The following ABCA7 variants were observed in gnomAD, a reference collection of about 807,000 sequenced individuals.
The protein encoded by ABCA7 is ATP binding cassette subfamily A member 7, also known as phospholipid-transporting ATPase ABCA7.
In ABCA7, 261 loss-of-function variants were observed where a neutral mutation model predicts 227.6. That is an observed-to-expected ratio of 1.15 (90% confidence interval 1.04 to 1.27). ABCA7 has a LOEUF of 1.27. ABCA7 is among the 50% of genes most tolerant of loss of function. ABCA7 has a pLI of 0.00. For synonymous variants in ABCA7, 1,488 were observed against 1,279.7 expected (o/e 1.16, Z -3.47); for missense variants, 3,331 against 2,924.5 (o/e 1.14, Z -3.21).
intron 18 of ABCA7, 76 bp from the exon 19 acceptor site, chr19:1,050,843 CAG>C (rs1422839578): frequency 2.6e-5 from 31 of 1,183,406 alleles, no homozygotes; most frequent in East Asian, 2.1e-4. Flanking sequence ...TTTTTAAAAA[CAG>C]AAATTAAAAA....
At chr19:1,043,969 G>A (rs1214460897) in intron 10 of ABCA7, 128 bp downstream of exon 10, 31 of 750,176 alleles carry the variant, frequency 4.1e-5, no homozygotes, top group South Asian at 3.4e-4. Context: ...ATGGAGTCTC[G>A]CTCTGTCGCC....
chr19:1,062,307 T>G lies in ABCA7; in HGVS notation c.5706T>G (p.Val1902=), dbSNP rs551797052. The change falls in exon 42 of 47, where the codon GTT becomes GTG. Residue 1902 remains valine (V), a synonymous_variant. Transcript: ENST00000263094. ...ARLRGVPEAQ[V]AQTAGSGLAR... ...TGCGCGGTGTCCCGGAGGCCCAGGT[T>G]GCCCAGGTGAGCCCACTTTGTCCCC... 4.4e-6 allele frequency: 7 copies of G among 1,603,712 alleles called. No individual in the cohort carries two copies. The South Asian group carries it at 4.4e-5, about 10-fold the overall frequency.
intron 42 of ABCA7, 127 bp downstream of exon 42, chr19:1,062,440 G>GT: frequency 6.9e-7 from 1 of 1,440,856 alleles, no homozygotes; most frequent in Admixed American, 2.1e-5. Context: ...CCCCCAGACC[G>GT]TGCTTCCTTC....
In ABCA7 at chr19:1,044,840, G is replaced by A. The variant is rs547842844; in HGVS notation, c.1215+96G>A. 5.8e-3 allele frequency: 8,659 copies of A among 1,480,372 alleles called. 34 individuals carry two copies. Among genetic ancestry groups the A allele is most frequent in the Non-Finnish European group, 7.3e-3 (8,094 of 1,113,464 alleles). 91.7% of individuals were successfully genotyped at this position (1,480,372 alleles called of 1,614,324 possible). A position where few individuals can be genotyped will look rare whatever the true frequency, so the allele number is the denominator to read the frequency against. On this transcript the variant is annotated intron_variant, in intron 11 of 46. Transcript: ENST00000263094. ...GGTGTTCCCAGGGGGAGGCGGGCCCGGCCCTAGTAAGAGCCTGGGATTTGT... is the reference window on the plus strand; with the variant it reads ...GGTGTTCCCAGGGGGAGGCGGGCCCAGCCCTAGTAAGAGCCTGGGATTTGT...
At chr19:1,048,513 A>AAAAAAAAAAAAAAAAAAC (rs2040972294) in intron 16 of ABCA7, among the ~76,000 whole-genome samples, 1 of 141,494 alleles carries the variant, frequency 7.1e-6, no homozygotes, top group African/African-American at 2.7e-5. Flanking sequence ...AAAAAAACAA[A>AAAAAAAAAAAAAAAAAAC]AAAAAAAAAA....
At chr19:1,063,264 ATAC>A (rs2042798224) in intron 42 of ABCA7, among the ~76,000 whole-genome samples, 1 of 59,434 alleles carries the variant, frequency 1.7e-5, no homozygotes, top group East Asian at 3.9e-4. Flanking sequence ...GCCCCGCCCC[ATAC>A]TCATGCTGGC....
rs139615270 is a variant in ABCA7, at chr19:1,053,454, C to T, written c.3346C>T (p.Leu1116Phe). ...TGCCCATGACGGCAGCTTCGCCACACTCTTCCGAGAGCTAGACACGCGGCT... is the reference window on the plus strand; with the variant it reads ...TGCCCATGACGGCAGCTTCGCCACATTCTTCCGAGAGCTAGACACGCGGCT... ...TGAHDGSFAT[L>F]FRELDTRLAE... Residue 1116 changes from leucine to phenylalanine, a missense_variant, in exon 24 of 47, where the codon CTC becomes TTC. Coordinates refer to ENST00000263094, the MANE Select transcript of ABCA7 (RefSeq NM_019112.4). 1.9e-6 allele frequency: 3 copies of T among 1,601,018 alleles called. No individual in the cohort carries two copies. The highest frequency in any genetic ancestry group is 1.7e-5 in the Admixed American group (1 of 58,738).
chr19:1,063,767 C>A lies in ABCA7; in HGVS notation c.5855C>A (p.Pro1952Gln). 6.5e-7 allele frequency: 1 copy of A among 1,546,998 alleles called. No individual in the cohort carries two copies. Among genetic ancestry groups the A allele is most frequent in the Non-Finnish European group, 8.7e-7 (1 of 1,145,658 alleles). Reference protein sequence around the residue: ...GDPAVVFLDEPTTGMDPSARR... With the variant: ...GDPAVVFLDEQTTGMDPSARR... ...ATCTTCCGTGCTCCCCAGGACGAGC[C>A]GACCACAGGCATGGACCCCAGCGCG... The change falls in exon 44 of 47, where the codon CCG becomes CAG. Residue 1952 changes from proline (P) to glutamine (Q), a missense_variant. Pro to Gln is a moderately conservative substitution (Grantham distance 76). Transcript: ENST00000263094.
chr19:1,047,107 C>T, intron 14 of ABCA7, 50 bp from the exon 15 acceptor site: 1 of 1,565,942 alleles, frequency 6.4e-7, no homozygotes, highest in Non-Finnish European at 8.6e-7. Context: ...GGGTGCGCGC[C>T]CCCAGGCCAA....
At chr19:1,057,268 G>A (rs1377965493) in intron 34 of ABCA7, 46 bp from the exon 35 acceptor site, 4 of 1,602,234 alleles carry the variant, frequency 2.5e-6, no homozygotes, top group Middle Eastern at 1.7e-4. Context: ...GGGTGGCAGT[G>A]CCCACCTCTT....
rs1355990560 is a variant in ABCA7, at chr19:1,054,511, C to A, written c.3727-59C>A. ...GGTGGTTGTAGAGCAGGAGCAGGGA[C>A]AGGTGCAAGCAAGCCTGGAGGGTGG... On this transcript the variant is annotated intron_variant, in intron 27 of 46. Coordinates refer to ENST00000263094, the MANE Select transcript of ABCA7 (RefSeq NM_019112.4). This position sits in a 1 kb window ranked among gnomAD's most constrained non-coding sequence, Gnocchi z 4.8. 6.3e-7 allele frequency: 1 copy of A among 1,585,686 alleles called. No homozygotes were observed. The highest frequency in any genetic ancestry group is 8.6e-7 in the Non-Finnish European group (1 of 1,163,922).
chr19:1,061,471 C>A (rs539515507), intron 40 of ABCA7, among the ~76,000 whole-genome samples: 1 of 148,072 alleles, frequency 6.8e-6, no homozygotes, highest in Non-Finnish European at 1.5e-5. Context: ...TCAAGGCAGG[C>A]GGATCACAAG....
At position 1,049,437 on chromosome 19, in the gene ABCA7, T is replaced by C. The variant is rs1300216528; in HGVS notation, c.2552T>C (p.Leu851Pro). 5 of 1,588,046 alleles carry C rather than the reference T, an allele frequency of 3.1e-6. No homozygotes were observed. Among genetic ancestry groups the C allele is most frequent in the African/African-American group, 1.4e-5 (1 of 73,166 alleles). ...AACGGGGCCGGCAAGACCACCACCC[T>C]GTGAGCCCCCAACCACTCCCTCCCC... ...GHNGAGKTTT[L>P]SILSGLFPPS... The change falls in exon 18 of 47, where the codon CTG becomes CCG. Residue 851 changes from leucine (L) to proline (P), a missense_variant and splice_region_variant. By Grantham distance (98) the Leu-to-Pro change is moderately conservative. Coordinates refer to ENST00000263094, the MANE Select transcript of ABCA7 (RefSeq NM_019112.4).
At chr19:1,062,489 G>A (rs925298810) in intron 42 of ABCA7, among the ~76,000 whole-genome samples, 176 bp downstream of exon 42, 3 of 152,018 alleles carry the variant, frequency 2.0e-5, no homozygotes, top group African/African-American at 7.3e-5. Context: ...CAATAGGGAT[G>A]TGGCTAGCCC....
At position 1,043,164 on chromosome 19, in the gene ABCA7, G is replaced by T. The variant is rs749558786; in HGVS notation, c.703G>T (p.Gly235Cys). 1.9e-6 allele frequency: 3 copies of T among 1,611,512 alleles called. No individual in the cohort carries two copies. The highest frequency in any genetic ancestry group is 1.3e-5 in the African/African-American group (1 of 74,914). Reference sequence around the variant, plus strand: ...TGTCAGGGGACCTAGCAGCACAGTGGGCCCCTCCCTCAACTGGTACGAGGC... The same window carrying T: ...TGTCAGGGGACCTAGCAGCACAGTGTGCCCCTCCCTCAACTGGTACGAGGC... ...CSVRGPSSTV[G>C]PSLNWYEASD... is the part of the protein sequence containing the mutation. Residue 235 changes from glycine (G) to cysteine (C), a missense_variant, in exon 8 of 47, where the codon GGC (glycine) becomes TGC (cysteine). Coordinates refer to ENST00000263094, the MANE Select transcript of ABCA7 (RefSeq NM_019112.4).
chr19:1,046,943 C>A lies in ABCA7; in HGVS notation c.1764C>A (p.Arg588=). 6.4e-7 allele frequency: 1 copy of A among 1,567,504 alleles called. No individual in the cohort carries two copies. The highest frequency in any genetic ancestry group is 8.6e-7 in the Non-Finnish European group (1 of 1,165,076). Residue 588 remains arginine, a synonymous_variant, in exon 14 of 47, where the codon CGC becomes CGA. Transcript: ENST00000263094. ...RDTMRAMGLS[R]AVLWLGWFLS... ...CCATGCGCGCCATGGGGCTCAGCCG[C>A]GCGGTGCTCTGGCTAGGCTGGTTCC... is the stretch of plus-strand genomic sequence containing the variant.
Position 1,047,634 on chromosome 19 carries a change from A to T in ABCA7, c.2249A>T (p.Tyr750Phe). 1 of 1,597,736 alleles carries T rather than the reference A, an allele frequency of 6.3e-7. No homozygotes were observed. Among genetic ancestry groups the T allele is most frequent in the African/African-American group, 1.3e-5 (1 of 74,802 alleles). The change falls in exon 16 of 47, where the codon TAC becomes TTC. Residue 750 changes from tyrosine to phenylalanine, a missense_variant. Transcript: ENST00000263094. The part of the protein sequence containing the change: ...DAALYGLATW[Y>F]LEAVCPGQYG... ...GCGCTCTACGGCCTCGCCACCTGGT[A>T]CCTGGAAGCTGTGTGCCCAGGTGGG... is the stretch of plus-strand genomic sequence containing the variant.
Position 1,051,020 on chromosome 19 carries a change from C to A in ABCA7, c.2652C>A (p.Gly884=), listed in dbSNP as rs113478746. The part of the protein sequence containing the change: ...SSMAAIRPHL[G]VCPQYNVLFD... ...TGGCCGCCATCCGGCCCCACCTGGG[C>A]GTCTGTCCTCAGTACAACGTGCTGT... Residue 884 remains glycine, a synonymous_variant, in exon 19 of 47, where the codon GGC becomes GGA. Coordinates refer to ENST00000263094, the MANE Select transcript of ABCA7 (RefSeq NM_019112.4). 6.2e-7 allele frequency: 1 copy of A among 1,611,942 alleles called. No homozygotes were observed. Among genetic ancestry groups the A allele is most frequent in the Non-Finnish European group, 8.5e-7 (1 of 1,179,636 alleles).
chr19:1,056,225 T>A lies in ABCA7; in HGVS notation c.4398T>A (p.Asp1466Glu). The change falls in exon 32 of 47, where the codon GAT (aspartate) becomes GAA (glutamate). Residue 1466 changes from aspartate to glutamate, a missense_variant. By Grantham distance (45) the Asp-to-Glu change is conservative. Coordinates refer to ENST00000263094, the MANE Select transcript of ABCA7 (RefSeq NM_019112.4). The surrounding 1 kb of genome is among the most constrained non-coding windows in gnomAD (Gnocchi z 4.3). ...TCACAGCCTGGGCTCACAGCCTGGA[T>A]GCTCAGGACAGTCTCAAGGTGGGAA... is the stretch of plus-strand genomic sequence containing the variant. ...KNLTAWAHSL[D>E]AQDSLKIWFN... 6.3e-7 allele frequency: 1 copy of A among 1,596,452 alleles called. No individual in the cohort carries two copies. Among genetic ancestry groups the A allele is most frequent in the Non-Finnish European group, 8.5e-7 (1 of 1,171,510 alleles).
Sources: gnomAD v4.1 joint callset for allele counts (sites outside exome capture counted in the v4.1 genomes callset) on GRCh38, gnomAD v4.1.1 for gene constraint, Gnocchi (gnomAD v3.1) non-coding constraint, MANE v1.5 for transcripts, NCBI Gene and HGNC (gene_info 2026-07-23, HGNC 2026-07-21) for gene names.